ALOXE3: variants seen among roughly 807,000 people sequenced by gnomAD.
ALOXE3 encodes the protein arachidonate epidermal lipoxygenase 3, also known as hydroperoxide isomerase ALOXE3.
In ALOXE3, 78 loss-of-function variants were observed where a neutral mutation model predicts 87.5. That is an observed-to-expected ratio of 0.89 (90% CI 0.74 to 1.08). The LOEUF (loss-of-function observed/expected upper bound fraction) is 1.08. Among genes scored for constraint, ALOXE3 ranks in the 50% least tolerant of loss-of-function variants. The probability of loss-of-function intolerance (pLI) is 0.00; values close to 1 mark genes in which losing one functional copy is unlikely to be tolerated. For missense variants in ALOXE3, 946 were observed against 912.4 expected (o/e 1.04, Z -0.47); for synonymous variants, 363 against 370.8 (o/e 0.98, Z 0.24).
intron 6 of ALOXE3, 112 bp from the exon 7 acceptor site, chr17:8,112,308 T>C (rs2151841924): frequency 2.5e-6 from 2 of 789,752 alleles, no homozygotes; most frequent in Admixed American, 3.9e-5. Context: ...AGAGTAGAGA[T>C]GCCTAACAAT....
At chr17:8,113,631 C>T (rs1980297554) in intron 6 of ALOXE3, among the ~76,000 whole-genome samples, 1 of 151,886 alleles carries the variant, frequency 6.6e-6, no homozygotes, top group African/African-American at 2.4e-5. Context: ...CCAGCCTGAG[C>T]AACAGAGTGA....
intron 12 of ALOXE3, among the ~76,000 whole-genome samples, 181 bp downstream of exon 12, chr17:8,108,993 C>A (rs1979757916): frequency 6.6e-6 from 1 of 152,336 alleles, no homozygotes; most frequent in South Asian, 2.1e-4. Flanking sequence ...CCAAGCCCCT[C>A]TCTGGACGGC....
rs747336341 is a variant in ALOXE3, at chr17:8,109,245, G to A, written c.1491C>T (p.Ala497=). The A allele has an allele frequency of 6.2e-7, 1 of 1,614,008 alleles. No homozygotes were observed. The highest frequency in any genetic ancestry group is 1.6e-4 in the Middle Eastern group (1 of 6,084). Residue 497 remains alanine, a synonymous_variant, in exon 12 of 16, where the codon GCC becomes GCT. Coordinates refer to ENST00000448843, the MANE Select transcript of ALOXE3 (RefSeq NM_021628.3). ...AGTTGGGGATAGCCAGGACGCCGCGGGCCCGCAGGCTGTCCGGAAGGCAGA... is the reference window on the plus strand; with the variant it reads ...AGTTGGGGATAGCCAGGACGCCGCGAGCCCGCAGGCTGTCCGGAAGGCAGA... ...TNFCLPDSLR[A]RGVLAIPNYH...
chr17:8,098,000 G>T (rs895313768), intron 15 of ALOXE3, among the ~76,000 whole-genome samples: 16 of 151,990 alleles, frequency 1.1e-4, no homozygotes, highest in Admixed American at 5.9e-4. Context: ...GCCCGCCTCG[G>T]CCTCCCAAAG....
intron 15 of ALOXE3, among the ~76,000 whole-genome samples, chr17:8,100,742 C>T (rs1978872696): frequency 6.6e-6 from 1 of 152,148 alleles, no homozygotes. Flanking sequence ...CTGCGGCCTC[C>T]TGAGTAGCTG....
At chr17:8,109,399 T>C (rs1298554152) in intron 11 of ALOXE3, 56 bp from the exon 12 acceptor site, 2 of 1,597,956 alleles carry the variant, frequency 1.3e-6, no homozygotes, top group East Asian at 2.2e-5. Context: ...CCCTAGTGTC[T>C]GGGCACGAGA....
At chr17:8,117,440 GC>G (rs1386997548) in intron 2 of ALOXE3, among the ~76,000 whole-genome samples, 1 of 152,168 alleles carries the variant, frequency 6.6e-6, no homozygotes, top group Non-Finnish European at 1.5e-5. Flanking sequence ...AGAAAAAGGT[GC>G]CCGAGCACAG....
chr17:8,109,065 C>T (rs1185782642), intron 12 of ALOXE3, 109 bp downstream of exon 12: 3 of 1,489,474 alleles, frequency 2.0e-6, no homozygotes, highest in Non-Finnish European at 2.7e-6. Context: ...ATTCCCTATG[C>T]TAGGGTGTGA....
chr17:8,096,760 G>A lies in ALOXE3; in HGVS notation c.2003C>T (p.Pro668Leu), dbSNP rs748508111. Reference protein sequence around the residue: ...YPDEHFTEEAPRRSIAAFQSR... With the variant: ...YPDEHFTEEALRRSIAAFQSR... ...CTGGAAGGCGGCGATGCTCCGCCTC[G>A]GGGCCTCCTCTGTGAAGTGCTCATC... The change falls in exon 16 of 16, where the codon CCG becomes CTG. Residue 668 changes from proline (P) to leucine (L), a missense_variant. Physicochemically the swap from Pro to Leu is moderately conservative, Grantham distance 98. Coordinates refer to ENST00000448843, the MANE Select transcript of ALOXE3 (RefSeq NM_021628.3). 2.5e-5 allele frequency: 40 copies of A among 1,614,040 alleles called. No individual in the cohort carries two copies. The East Asian group carries it at 3.3e-4, about 13-fold the overall frequency.
chr17:8,098,962 C>T (rs1456192292), intron 15 of ALOXE3, among the ~76,000 whole-genome samples: 2 of 151,706 alleles, frequency 1.3e-5, no homozygotes, highest in East Asian at 3.9e-4. Flanking sequence ...GCAATCTTCC[C>T]ACCTCAGCCA....
rs1978538086 is a variant in ALOXE3 at position 8,096,326 on chromosome 17, G to A, written c.*301C>T. ...CCCAAGCTGGGCATTCCAAGAGGCT[G>A]GAACAAGAGGCTGCCCCAAGTGGGG... On this transcript the variant is annotated 3_prime_UTR_variant, in exon 16 of 16. Transcript: ENST00000448843. The A allele has an allele frequency of 5.8e-6, 2 of 343,316 alleles. No individual in the cohort carries two copies. The highest frequency in any genetic ancestry group is 1.2e-4 in the East Asian group (2 of 17,000). 21.3% of individuals were successfully genotyped at this position (343,316 alleles called of 1,614,324 possible).
At position 8,103,372 on chromosome 17, in the gene ALOXE3, C is replaced by T. The variant is rs1598197920; in HGVS notation, c.1907G>A (p.Cys636Tyr). Residue 636 changes from cysteine (C) to tyrosine (Y), a missense_variant, in exon 15 of 16, where the codon TGT becomes TAT. By Grantham distance (194) the Cys-to-Tyr change is radical. Coordinates refer to ENST00000448843, the MANE Select transcript of ALOXE3 (RefSeq NM_021628.3). ...CAACCAGAAGAGGAGGAGGTTGTTACAGCTGATGTTCACTTCAGGGAGGGT... is the reference window on the plus strand; with the variant it reads ...CAACCAGAAGAGGAGGAGGTTGTTATAGCTGATGTTCACTTCAGGGAGGGT... ...LDTLPEVNIS[C>Y]NNLLLFWLVS... The T allele has an allele frequency of 2.5e-6, 4 of 1,614,050 alleles. No individual in the cohort carries two copies. Among genetic ancestry groups the T allele is most frequent in the Non-Finnish European group, 3.4e-6 (4 of 1,179,978 alleles).
Position 8,114,621 on chromosome 17 carries a change from G to A in ALOXE3, c.555-12C>T, listed in dbSNP as rs772870691. ...ACCGATTCCCACTGCTGGGGGTCGG[G>A]GGAGTAGAAAGACAGAAACCAGTCA... On this transcript the variant is annotated splice_polypyrimidine_tract_variant and intron_variant, in intron 5 of 15. Coordinates refer to ENST00000448843, the MANE Select transcript of ALOXE3 (RefSeq NM_021628.3). 2.5e-6 allele frequency: 4 copies of A among 1,613,826 alleles called. No individual in the cohort carries two copies. In the South Asian group the frequency reaches 4.4e-5, roughly 18 times the overall value.
Position 8,096,760 on chromosome 17 carries a change from G to T in ALOXE3, c.2003C>A (p.Pro668Gln), listed in dbSNP as rs748508111. The part of the protein sequence containing the change: ...YPDEHFTEEA[P>Q]RRSIAAFQSR... The stretch of plus-strand genomic sequence containing the variant: ...CTGGAAGGCGGCGATGCTCCGCCTC[G>T]GGGCCTCCTCTGTGAAGTGCTCATC... Residue 668 changes from proline to glutamine, a missense_variant, in exon 16 of 16, where the codon CCG becomes CAG. Physicochemically the swap from Pro to Gln is moderately conservative, Grantham distance 76 (BLOSUM62 -1). Coordinates refer to ENST00000448843, the MANE Select transcript of ALOXE3 (RefSeq NM_021628.3). The T allele has an allele frequency of 6.2e-7, 1 of 1,614,158 alleles. No homozygotes were observed. The highest frequency in any genetic ancestry group is 1.1e-5 in the South Asian group (1 of 91,074).
In ALOXE3 at chr17:8,118,274, C is replaced by A; in HGVS notation, c.-284G>T. 6.4e-7 allele frequency: 1 copy of A among 1,551,744 alleles called. No homozygotes were observed. Among genetic ancestry groups the A allele is most frequent in the Admixed American group, 2.0e-5 (1 of 50,992 alleles). ...ACAGCCGGTCCCTCTGGCTGGCTCA[C>A]CCAGATGGATATCAGGAGCCTGGGT... On this transcript the variant is annotated 5_prime_UTR_variant, in exon 2 of 16. Coordinates refer to ENST00000448843, the MANE Select transcript of ALOXE3 (RefSeq NM_021628.3).
chr17:8,104,865 G>T (rs1049902920), intron 13 of ALOXE3, among the ~76,000 whole-genome samples: 3 of 152,150 alleles, frequency 2.0e-5, no homozygotes, highest in African/African-American at 7.2e-5. Flanking sequence ...GAGCTCCAAG[G>T]CTCAGCCCTT....
rs151314191 is a variant in ALOXE3 at position 8,116,843 on chromosome 17, A to C, written c.285T>G (p.Ser95Arg). 1 of 1,614,230 alleles carries C rather than the reference A, an allele frequency of 6.2e-7. No individual in the cohort carries two copies. Among genetic ancestry groups the C allele is most frequent in the Non-Finnish European group, 8.5e-7 (1 of 1,180,038 alleles). Residue 95 changes from serine (S) to arginine (R), a missense_variant, in exon 3 of 16, where the codon AGT (serine) becomes AGG (arginine). Physicochemically the swap from Ser to Arg is moderately radical, Grantham distance 110. Coordinates refer to ENST00000448843, the MANE Select transcript of ALOXE3 (RefSeq NM_021628.3). ...ACTGATAGCAGGGGAAGTGGGATACACTACCATCCGGTTCGGTGACACAGA... is the reference window on the plus strand; with the variant it reads ...ACTGATAGCAGGGGAAGTGGGATACCCTACCATCCGGTTCGGTGACACAGA... The part of the protein sequence containing the change: ...SRICVTEPDG[S>R]VSHFPCYQWI...
At chr17:8,105,373 T>C (rs1211154111) in intron 13 of ALOXE3, among the ~76,000 whole-genome samples, 1 of 152,146 alleles carries the variant, frequency 6.6e-6, no homozygotes, top group East Asian at 1.9e-4. Flanking sequence ...ATGCATCAGC[T>C]CCTGAGAGGC....
chr17:8,112,478 C>G (rs1980181831), intron 6 of ALOXE3, among the ~76,000 whole-genome samples: 1 of 152,144 alleles, frequency 6.6e-6, no homozygotes, highest in South Asian at 2.1e-4. Flanking sequence ...GGTGTTTTGG[C>G]CTGTATTCTC....
Sources: allele counts gnomAD v4.1 joint callset (sites outside exome capture counted in the v4.1 genomes callset), GRCh38; gene constraint gnomAD v4.1.1; transcripts MANE v1.5; gene names NCBI Gene and HGNC (gene_info 2026-07-23, HGNC 2026-07-21).